Variants in TLN2 observed in about 807,000 individuals in gnomAD.
TLN2 encodes talin-2.
A neutral mutation model predicts 294.7 loss-of-function variants in TLN2; 118 were observed. The ratio of observed to expected loss-of-function variants is 0.40; its 90% CI spans 0.34 to 0.47. The LOEUF (loss-of-function observed/expected upper bound fraction) is 0.47. Ranked by LOEUF, TLN2 falls within the 20% of genes least tolerant of loss-of-function variation. TLN2 has a pLI of 0.84. For synonymous variants in TLN2, 1,431 were observed against 1,304.5 expected (o/e 1.10, Z -2.09); for missense variants, 3,083 against 3,282.2 (o/e 0.94, Z 1.48).
chr15:62,421,625 G>A (rs2034400407), intron 1 of TLN2, among the ~76,000 whole-genome samples: 1 of 151,678 alleles, frequency 6.6e-6, no homozygotes, highest in South Asian at 2.1e-4. Context: ...ACTAAATGAT[G>A]AGGACATATG....
intron 2 of TLN2, among the ~76,000 whole-genome samples, chr15:62,609,712 C>T (rs1189813917): frequency 6.6e-6 from 1 of 152,182 alleles, no homozygotes; most frequent in Non-Finnish European, 1.5e-5. Context: ...GTGCCCAGCT[C>T]CTCACTTGAC....
chr15:62,533,653 C>A (rs1444192641), intron 1 of TLN2, among the ~76,000 whole-genome samples: 1 of 151,934 alleles, frequency 6.6e-6, no homozygotes, highest in Non-Finnish European at 1.5e-5. Flanking sequence ...GTGAAATTTA[C>A]CCCCCATAAA....
chr15:62,742,749 C>G (rs2061412144), intron 32 of TLN2, among the ~76,000 whole-genome samples: 1 of 152,140 alleles, frequency 6.6e-6, no homozygotes, highest in African/African-American at 2.4e-5. Flanking sequence ...AAATGATTGT[C>G]TTGGGATGGA....
At position 62,763,728 on chromosome 15, in the gene TLN2, CCT is replaced by C. The variant is rs746724566; in HGVS notation, c.5094+36_5094+37del. ...GGGAATCTGGGGGCCTGCTTAGTCG[CCT>C]CTAGATATGTTGAAAAACCTTAGCA... On this transcript the variant is annotated intron_variant, in intron 40 of 58. Coordinates refer to ENST00000636159, the MANE Select transcript of TLN2 (RefSeq NM_015059.3). The C allele has an allele frequency of 2.0e-5, 31 of 1,554,694 alleles. No homozygotes were observed. The East Asian group carries it at 6.9e-4, about 35-fold the overall frequency.
chr15:62,709,918 A>G (rs1038618145), intron 21 of TLN2, among the ~76,000 whole-genome samples: 1 of 151,998 alleles, frequency 6.6e-6, no homozygotes, highest in Non-Finnish European at 1.5e-5. Flanking sequence ...TATTTTTAGT[A>G]GAGATGGGGC....
chr15:62,799,648 T>G (rs2065787395), intron 48 of TLN2, among the ~76,000 whole-genome samples: 1 of 152,216 alleles, frequency 6.6e-6, no homozygotes, highest in Non-Finnish European at 1.5e-5. Context: ...GAGCTTGCAC[T>G]CAAGTTGAGG....
chr15:62,419,106 G>A (rs921033228), intron 1 of TLN2, among the ~76,000 whole-genome samples: 5 of 152,154 alleles, frequency 3.3e-5, no homozygotes, highest in African/African-American at 1.2e-4. Flanking sequence ...TGAGATATGT[G>A]CTGTAAATGT....
At chr15:62,823,153 G>A (rs2067728480) in intron 54 of TLN2, among the ~76,000 whole-genome samples, 2 of 152,170 alleles carry the variant, frequency 1.3e-5, no homozygotes, top group Admixed American at 1.3e-4. Context: ...TATTAGGAAG[G>A]GTGATGGGTA....
chr15:62,648,899 G>A (rs113784101), intron 4 of TLN2, among the ~76,000 whole-genome samples: 1 of 152,126 alleles, frequency 6.6e-6, no homozygotes, highest in African/African-American at 2.4e-5. Flanking sequence ...AGGCTGGAGT[G>A]CAGTGGCCCC....
At chr15:62,420,091 C>T (rs2034306491) in intron 1 of TLN2, among the ~76,000 whole-genome samples, 1 of 152,182 alleles carries the variant, frequency 6.6e-6, no homozygotes, top group Admixed American at 6.5e-5. Flanking sequence ...CACCAATCAG[C>T]CTTATAAAAC....
chr15:62,761,330 C>T (rs571248094), intron 37 of TLN2, among the ~76,000 whole-genome samples: 2 of 152,294 alleles, frequency 1.3e-5, no homozygotes, highest in African/African-American at 4.8e-5. Context: ...ATTGTAGTCT[C>T]AAAAGTGAGG....
In TLN2 at chr15:62,783,733, G is replaced by A. The variant is rs367800839; in HGVS notation, c.5617-38G>A. The A allele has an allele frequency of 8.7e-5, 134 of 1,546,160 alleles. No homozygotes were observed. The African/African-American group carries it at 1.6e-3, about 18-fold the overall frequency. On this transcript the variant is annotated intron_variant, in intron 44 of 58. Coordinates refer to ENST00000636159, the MANE Select transcript of TLN2 (RefSeq NM_015059.3). ...CATGCGTTTCTCTCTGTGTGTGTGT[G>A]TGTGTGTGTGTGTGTCTTGCTTGTT...
chr15:62,449,440 A>G (rs972822480), intron 1 of TLN2, among the ~76,000 whole-genome samples: 4 of 152,186 alleles, frequency 2.6e-5, no homozygotes, highest in Non-Finnish European at 1.5e-5. Flanking sequence ...GGCAGAGGGC[A>G]GGAAAGTTTA....
chr15:62,671,018 C>T (rs953436280), intron 9 of TLN2, among the ~76,000 whole-genome samples: 4 of 152,160 alleles, frequency 2.6e-5, no homozygotes, highest in Admixed American at 1.3e-4. Flanking sequence ...TTTTTCTTTG[C>T]ATTTCCCTGG....
rs1450119242 is a variant in TLN2, at chr15:62,593,018, AT to A, written c.-162+3258del. ...TTAAAATCTATTTTCAATGAAAAAT[AT>A]TGTTTTTGGCTCTCAGGGAATTTTT... On this transcript the variant is annotated intron_variant, in intron 2 of 58. Transcript: ENST00000636159. Among the ~76,000 whole-genome samples, 4 of 152,302 alleles carry A rather than the reference AT, an allele frequency of 2.6e-5. No individual in the cohort carries two copies. In the East Asian group the frequency reaches 7.7e-4, roughly 29 times the overall value.
At chr15:62,735,396 C>A (rs1233311419) in intron 28 of TLN2, among the ~76,000 whole-genome samples, 1 of 152,178 alleles carries the variant, frequency 6.6e-6, no homozygotes, top group Non-Finnish European at 1.5e-5. Flanking sequence ...ATCACCAAAT[C>A]CCATCATCTG....
intron 1 of TLN2, among the ~76,000 whole-genome samples, chr15:62,454,980 C>CG (rs1452443319): frequency 1.3e-5 from 2 of 152,130 alleles, no homozygotes; most frequent in Non-Finnish European, 2.9e-5. Flanking sequence ...TTCCTCCCCC[C>CG]GGGGGGCTGA....
intron 22 of TLN2, among the ~76,000 whole-genome samples, chr15:62,715,152 G>T (rs1035748720): frequency 2.6e-5 from 4 of 152,236 alleles, no homozygotes; most frequent in African/African-American, 4.8e-5. Flanking sequence ...GTTGCCAAAA[G>T]AATTCTACCA....
chr15:62,471,999 G>A (rs1567005018), intron 1 of TLN2, among the ~76,000 whole-genome samples: 1 of 152,138 alleles, frequency 6.6e-6, no homozygotes, highest in Non-Finnish European at 1.5e-5. Context: ...ATTCTCCACT[G>A]CATTCAGAAT....
Sources: allele counts gnomAD v4.1 joint callset (sites outside exome capture counted in the v4.1 genomes callset), GRCh38; gene constraint gnomAD v4.1.1; transcripts MANE v1.5; gene names NCBI Gene and HGNC (gene_info 2026-07-23, HGNC 2026-07-21).